Variants in CCDC40 observed in about 807,000 individuals in gnomAD.
CCDC40 encodes coiled-coil domain 40 molecular ruler complex subunit.
A neutral mutation model predicts 124.5 loss-of-function variants in CCDC40; 104 were observed. The observed-to-expected ratio is 0.84, with a 90% CI of 0.71 to 0.98. CCDC40 has a LOEUF of 0.98. Ranked by LOEUF, CCDC40 falls within the 50% of genes least tolerant of loss-of-function variation. The pLI, the probability that CCDC40 is intolerant of heterozygous loss-of-function variation, is 0.00. For synonymous variants in CCDC40, 580 were observed against 602.9 expected (o/e 0.96, Z 0.56); for missense variants, 1,463 against 1,503.9 (o/e 0.97, Z 0.45).
At position 80,066,136 on chromosome 17, in the gene CCDC40, G is replaced by A. The variant is rs1490508024; in HGVS notation, c.1562+530G>A. ...TTCCTAAAACCACCCAGGGTGACCA[G>A]GTCTCGGGACGCGGAAAGAAAAAGC... On this transcript the variant is annotated intron_variant, in intron 10 of 19. Coordinates refer to ENST00000397545, the MANE Select transcript of CCDC40 (RefSeq NM_017950.4). The surrounding 1 kb of genome is among the most constrained non-coding windows in gnomAD (Gnocchi z 4.4). 4.3e-6 allele frequency: 3 copies of A among 702,914 alleles called. No homozygotes were observed. Among genetic ancestry groups the A allele is most frequent in the African/African-American group, 3.5e-5 (2 of 57,260 alleles). The allele number at this position is 702,914 out of a possible 1,614,324, so 43.5% of individuals were successfully genotyped here.
At position 80,049,361 on chromosome 17, in the gene CCDC40, A is replaced by G. The variant is rs537476195; in HGVS notation, c.856-545A>G. ...CGGAGGTTGCATGCAGACAGCCAAG[A>G]TGGCACCAGTGCACTCCAGCCTGGG... On this transcript the variant is annotated intron_variant, in intron 5 of 19. Coordinates refer to ENST00000397545, the MANE Select transcript of CCDC40 (RefSeq NM_017950.4). Among the ~76,000 whole-genome samples, 10 of 149,934 alleles carry G rather than the reference A, an allele frequency of 6.7e-5. No individual in the cohort carries two copies. The South Asian group carries it at 2.1e-3, about 32-fold the overall frequency.
chr17:80,090,134 T>A, intron 17 of CCDC40: 1 of 1,536,136 alleles, frequency 6.5e-7, no homozygotes, highest in Non-Finnish European at 8.7e-7. Context: ...GCTTTTAATG[T>A]GCAGAAATAT....
chr17:80,051,644 A>AG (rs1195108441), intron 7 of CCDC40, among the ~76,000 whole-genome samples: 1 of 150,566 alleles, frequency 6.6e-6, no homozygotes, highest in East Asian at 1.9e-4. Flanking sequence ...AAAAAAAAAA[A>AG]AAAAAAAAAA....
chr17:80,068,522 AC>A (rs2038108203), intron 10 of CCDC40, among the ~76,000 whole-genome samples: 1 of 152,308 alleles, frequency 6.6e-6, no homozygotes, highest in South Asian at 2.1e-4. Context: ...CAGTGACTGA[AC>A]TATACCTCAA....
intron 9 of CCDC40, 114 bp from the exon 10 acceptor site, chr17:80,065,371 C>G: frequency 3.6e-6 from 5 of 1,384,104 alleles, no homozygotes; most frequent in Non-Finnish European, 5.1e-6. Flanking sequence ...AAGGAAAGTA[C>G]CGGTGATAGA....
At chr17:80,094,572 G>A (rs1362429176) in intron 17 of CCDC40, among the ~76,000 whole-genome samples, 1 of 152,168 alleles carries the variant, frequency 6.6e-6, no homozygotes, top group Admixed American at 6.5e-5. Context: ...GCAGATACCT[G>A]TAATCCTAGC....
At chr17:80,074,965 C>T (rs544911063) in intron 10 of CCDC40, among the ~76,000 whole-genome samples, 66 of 152,084 alleles carry the variant, frequency 4.3e-4, no homozygotes, top group Non-Finnish European at 6.9e-4. Context: ...CTCTGTTGCC[C>T]GGGCTGGAGT....
rs1345369079 is a variant in CCDC40, at chr17:80,097,368, G to T, written c.3145G>T (p.Ala1049Ser). Residue 1049 changes from alanine (A) to serine (S), a missense_variant, in exon 19 of 20, where the codon GCC becomes TCC. Transcript: ENST00000397545. Reference protein sequence around the residue: ...VIQADFDTLEADLTRLGALKR... With the variant: ...VIQADFDTLESDLTRLGALKR... ...TCAGGCAGACTTCGACACACTCGAG[G>T]CCGACCTCACCCGGCTTGGGGCCCT... 1 of 1,613,898 alleles carries T rather than the reference G, an allele frequency of 6.2e-7. No homozygotes were observed. The highest frequency in any genetic ancestry group is 8.5e-7 in the Non-Finnish European group (1 of 1,180,050).
At chr17:80,090,609 A>G (rs2038707506) in intron 17 of CCDC40, 1 of 1,475,636 alleles carries the variant, frequency 6.8e-7, no homozygotes, top group African/African-American at 1.4e-5. Flanking sequence ...CCACTGTGAG[A>G]CAGTCTCACA....
intron 9 of CCDC40, among the ~76,000 whole-genome samples, chr17:80,063,991 A>G (rs1212127792): frequency 1.3e-5 from 2 of 152,182 alleles, no homozygotes; most frequent in Non-Finnish European, 2.9e-5. Flanking sequence ...ATGTCAGCTA[A>G]AATAAAAGGA....
intron 10 of CCDC40, among the ~76,000 whole-genome samples, chr17:80,069,267 G>GAA (rs1474679749): frequency 2.6e-5 from 4 of 152,078 alleles, no homozygotes; most frequent in African/African-American, 9.7e-5. Context: ...GCGTGGGGGG[G>GAA]GCGGTAACCA....
In CCDC40 at chr17:80,079,604, A is replaced by G. The variant is rs141778436; in HGVS notation, c.1563-1942A>G. Among the ~76,000 whole-genome samples, 607 of 152,236 alleles carry G rather than the reference A, an allele frequency of 4.0e-3. 4 individuals are homozygous for G. The highest frequency in any genetic ancestry group is 0.014 in the African/African-American group (590 of 41,538). On this transcript the variant is annotated intron_variant, in intron 10 of 19. Coordinates refer to ENST00000397545, the MANE Select transcript of CCDC40 (RefSeq NM_017950.4). ...TTTTTCTGATCTCATCAGTGGATCA[A>G]TAAATATCCACACACATTAAAAATA...
At chr17:80,095,157 C>A in intron 17 of CCDC40, 106 bp from the exon 18 acceptor site, 4 of 1,046,228 alleles carry the variant, frequency 3.8e-6, no homozygotes, top group African/African-American at 1.6e-5. Flanking sequence ...CCCGCCGATC[C>A]CCATGCGTGT....
intron 10 of CCDC40, among the ~76,000 whole-genome samples, chr17:80,071,422 G>A (rs1003764013): frequency 2.0e-5 from 3 of 152,198 alleles, no homozygotes; most frequent in Admixed American, 2.0e-4. Flanking sequence ...AGTGTCCTGG[G>A]AGAGAACCCG....
At chr17:80,071,831 C>CTTTTTTTT (rs35874742) in intron 10 of CCDC40, among the ~76,000 whole-genome samples, 4 of 88,952 alleles carry the variant, frequency 4.5e-5, no homozygotes, top group African/African-American at 1.3e-4. Flanking sequence ...GGTTTTTCAG[C>CTTTTTTTT]TTTTTTTTTT....
At chr17:80,054,916 A>G (rs898012120) in intron 7 of CCDC40, among the ~76,000 whole-genome samples, 6 of 152,050 alleles carry the variant, frequency 3.9e-5, no homozygotes, top group African/African-American at 7.2e-5. Context: ...CAGAGGTTGC[A>G]GTGAGCCGAG....
intron 9 of CCDC40, among the ~76,000 whole-genome samples, chr17:80,060,811 A>G (rs549079596): frequency 6.6e-6 from 1 of 152,370 alleles, no homozygotes; most frequent in South Asian, 2.1e-4. Context: ...AAAACCTAGT[A>G]GATTATAAAT....
rs2143610745 is a variant in CCDC40, at chr17:80,048,647, G to T, written c.741G>T (p.Gln247His). The T allele has an allele frequency of 1.2e-6, 2 of 1,614,122 alleles. No individual in the cohort carries two copies. The highest frequency in any genetic ancestry group is 1.7e-6 in the Non-Finnish European group (2 of 1,180,032). ...GAGACCTGCCAGTGTTCCAGGACCA[G>T]ATCCAGCAGCCCAGCACCGAGGAGG... The part of the protein sequence containing the change: ...REGDLPVFQD[Q>H]IQQPSTEEGA... The change falls in exon 5 of 20, where the codon CAG (glutamine) becomes CAT (histidine). Residue 247 changes from glutamine (Q) to histidine (H), a missense_variant. Coordinates refer to ENST00000397545, the MANE Select transcript of CCDC40 (RefSeq NM_017950.4).
In CCDC40 at chr17:80,066,103, T is replaced by C. The variant is rs11867647; in HGVS notation, c.1562+497T>C. 18,124 of 702,874 alleles carry C rather than the reference T, an allele frequency of 0.026. 2,084 individuals are homozygous for C. In the African/African-American group the frequency reaches 0.27, roughly 10 times the overall value. The allele number at this position is 702,874 out of a possible 1,614,324, so 43.5% of individuals were successfully genotyped here. A position where few individuals can be genotyped will look rare whatever the true frequency, so the allele number is the denominator to read the frequency against. On this transcript the variant is annotated intron_variant, in intron 10 of 19. Coordinates refer to ENST00000397545, the MANE Select transcript of CCDC40 (RefSeq NM_017950.4). The surrounding 1 kb of genome is among the most constrained non-coding windows in gnomAD (Gnocchi z 4.4). ...GGCAGGGCGTTGGAGACACAGGTGC[T>C]GCCTTCATTCCTAAAACCACCCAGG...
Sources: allele counts gnomAD v4.1 joint callset (sites outside exome capture counted in the v4.1 genomes callset), GRCh38; gene constraint gnomAD v4.1.1; non-coding constraint Gnocchi (gnomAD v3.1); transcripts MANE v1.5; gene names NCBI Gene and HGNC (gene_info 2026-07-23, HGNC 2026-07-21).